ANKS1B: variants seen among roughly 807,000 people sequenced by gnomAD.
The protein encoded by ANKS1B is ankyrin repeat and sterile alpha motif domain-containing protein 1B.
A neutral mutation model predicts 148.3 loss-of-function variants in ANKS1B; 36 were observed. That is an observed-to-expected ratio of 0.24 (90% confidence interval 0.19 to 0.32). ANKS1B has a LOEUF of 0.32. Among genes scored for constraint, ANKS1B ranks in the 10% least tolerant of loss-of-function variants. The probability of loss-of-function intolerance (pLI) is 1.00; values close to 1 mark genes in which losing one functional copy is unlikely to be tolerated. For synonymous variants in ANKS1B, 542 were observed against 560.8 expected, an observed-to-expected ratio of 0.97 and a Z score of 0.47; for missense variants, 1,157 against 1,542.6, an observed-to-expected ratio of 0.75 and a Z score of 4.19.
At chr12:99,085,733 G>C (rs530563707) in intron 15 of ANKS1B, among the ~76,000 whole-genome samples, 20 of 152,254 alleles carry the variant, frequency 1.3e-4, no homozygotes, top group African/African-American at 4.8e-4. Flanking sequence ...TGGAGCTGGA[G>C]GTCATTATCC....
At chr12:99,378,068 T>C (rs1212300002) in intron 12 of ANKS1B, among the ~76,000 whole-genome samples, 2 of 152,196 alleles carry the variant, frequency 1.3e-5, no homozygotes, top group Non-Finnish European at 2.9e-5. Flanking sequence ...ATAAGATCAT[T>C]TGTGAAGACT....
intron 9 of ANKS1B, among the ~76,000 whole-genome samples, chr12:99,535,676 T>C (rs2097058543): frequency 6.6e-6 from 1 of 152,154 alleles, no homozygotes; most frequent in Non-Finnish European, 1.5e-5. Flanking sequence ...AATTTGAACA[T>C]GCCTTACCTC....
intron 9 of ANKS1B, among the ~76,000 whole-genome samples, chr12:99,566,092 A>C (rs1321476548): frequency 6.6e-6 from 1 of 152,088 alleles, no homozygotes; most frequent in Non-Finnish European, 1.5e-5. Context: ...GAGTATGGCT[A>C]TTTCTCAATG....
At chr12:98,781,904 T>G (rs1479990334) in intron 23 of ANKS1B, among the ~76,000 whole-genome samples, 4 of 152,202 alleles carry the variant, frequency 2.6e-5, no homozygotes, top group Admixed American at 2.6e-4. Flanking sequence ...GCTGCTACAT[T>G]CCCTTAGGCC....
intron 8 of ANKS1B, among the ~76,000 whole-genome samples, chr12:99,662,246 G>A (rs2098481315): frequency 6.6e-6 from 1 of 152,050 alleles, no homozygotes; most frequent in South Asian, 2.1e-4. Context: ...TCCTTTGGAA[G>A]GCCTTCTTGA....
intron 17 of ANKS1B, among the ~76,000 whole-genome samples, chr12:98,875,211 G>C (rs1432922438): frequency 6.6e-6 from 1 of 152,204 alleles, no homozygotes; most frequent in South Asian, 2.1e-4. Flanking sequence ...ATGCTAATTT[G>C]GTTCCAGCCC....
At chr12:98,839,391 G>GTATA (rs1214734942) in intron 17 of ANKS1B, among the ~76,000 whole-genome samples, 1 of 126,512 alleles carries the variant, frequency 7.9e-6, no homozygotes, top group Non-Finnish European at 1.8e-5. Context: ...ATGTATGTAT[G>GTATA]TATGTATCTA....
intron 8 of ANKS1B, among the ~76,000 whole-genome samples, chr12:99,694,654 T>C (rs1200734687): frequency 2.6e-5 from 4 of 152,180 alleles, no homozygotes; most frequent in Non-Finnish European, 5.9e-5. Flanking sequence ...ATTATCCATG[T>C]CTAGTGAAAC....
At chr12:99,153,248 T>C (rs1264962125) in intron 15 of ANKS1B, among the ~76,000 whole-genome samples, 1 of 152,166 alleles carries the variant, frequency 6.6e-6, no homozygotes, top group Non-Finnish European at 1.5e-5. Flanking sequence ...AATTAAAAAA[T>C]CTAATCAGCT....
chr12:98,850,272 T>C (rs972541748), intron 17 of ANKS1B, among the ~76,000 whole-genome samples: 14 of 152,146 alleles, frequency 9.2e-5, no homozygotes, highest in Non-Finnish European at 4.4e-5. Flanking sequence ...TATCCCACAA[T>C]TGGAGACTTT....
chr12:99,962,612 G>C (rs61941600), intron 1 of ANKS1B, among the ~76,000 whole-genome samples: 8,342 of 152,188 alleles, frequency 0.055, 337 homozygotes, highest in Admixed American at 0.099. Context: ...CTAGATCCTT[G>C]AGGAATCACC....
At chr12:99,058,329 C>T (rs2041008169) in intron 16 of ANKS1B, among the ~76,000 whole-genome samples, 2 of 151,290 alleles carry the variant, frequency 1.3e-5, no homozygotes, top group Middle Eastern at 3.2e-3. Context: ...CTGCAGCCTC[C>T]GCCTCCTAGG....
chr12:98,804,259 C>T (rs1322094446), intron 20 of ANKS1B, among the ~76,000 whole-genome samples: 12 of 152,166 alleles, frequency 7.9e-5, no homozygotes. Context: ...GGGACTGAAT[C>T]TACCTTTCTG....
intron 10 of ANKS1B, among the ~76,000 whole-genome samples, chr12:99,447,800 G>C (rs764787070): frequency 2.0e-5 from 3 of 151,972 alleles, no homozygotes; most frequent in African/African-American, 7.2e-5. Context: ...GATCTGAATG[G>C]ACATTTCTCA....
intron 2 of ANKS1B, among the ~76,000 whole-genome samples, chr12:99,819,372 C>T (rs1186232078): frequency 6.6e-6 from 1 of 151,742 alleles, no homozygotes; most frequent in African/African-American, 2.4e-5. Flanking sequence ...ATTCAAAGAG[C>T]AACTTCAGAG....
chr12:99,852,558 A>T (rs1162758609), intron 1 of ANKS1B, among the ~76,000 whole-genome samples: 1 of 152,230 alleles, frequency 6.6e-6, no homozygotes, highest in Non-Finnish European at 1.5e-5. Flanking sequence ...AAATCAGTCA[A>T]GAAATAGAGA....
intron 12 of ANKS1B, among the ~76,000 whole-genome samples, chr12:99,284,986 C>T (rs2078942090): frequency 6.6e-6 from 1 of 152,126 alleles, no homozygotes; most frequent in South Asian, 2.1e-4. Context: ...ATAAACTAAA[C>T]ACACTTAAAG....
intron 15 of ANKS1B, among the ~76,000 whole-genome samples, chr12:99,116,678 T>A (rs557333542): frequency 1.3e-5 from 2 of 152,218 alleles, no homozygotes; most frequent in African/African-American, 4.8e-5. Flanking sequence ...CTTGGCTATA[T>A]GGGCTCTTTT....
chr12:99,351,238 A>G (rs1025748427), intron 12 of ANKS1B, among the ~76,000 whole-genome samples: 2 of 152,106 alleles, frequency 1.3e-5, no homozygotes, highest in Non-Finnish European at 2.9e-5. Flanking sequence ...AGACTTTGAA[A>G]TGAGTCGTAC....
Sources: allele counts gnomAD v4.1 joint callset (sites outside exome capture counted in the v4.1 genomes callset), GRCh38; gene constraint gnomAD v4.1.1; transcripts MANE v1.5; gene names NCBI Gene and HGNC (gene_info 2026-07-23, HGNC 2026-07-21).